SEMA6A: variants seen among roughly 807,000 people sequenced by gnomAD.
The protein encoded by SEMA6A is semaphorin 6A, also known as semaphorin-6A.
In SEMA6A, 25 loss-of-function variants were observed where a neutral mutation model predicts 96.8. That is an observed-to-expected ratio of 0.26 (90% CI 0.19 to 0.36). The LOEUF (loss-of-function observed/expected upper bound fraction) is 0.36. Among genes scored for constraint, SEMA6A ranks in the 10% least tolerant of loss-of-function variants. The pLI is 1.00. For synonymous variants in SEMA6A, 612 were observed against 518.0 expected (o/e 1.18, Z -2.46); for missense variants, 1,363 against 1,323.1 (o/e 1.03, Z -0.47).
At chr5:116,472,997 C>G in intron 17 of SEMA6A, 76 bp downstream of exon 17, 1 of 1,532,662 alleles carries the variant, frequency 6.5e-7, no homozygotes, top group South Asian at 1.2e-5. Flanking sequence ...TGAACATACT[C>G]AAGAGGATTA....
chr5:116,539,634 A>G (rs1199609468), intron 1 of SEMA6A, among the ~76,000 whole-genome samples: 1 of 148,420 alleles, frequency 6.7e-6, no homozygotes, highest in African/African-American at 2.5e-5. Context: ...CTTTAATTTT[A>G]CTCCTGTAAT....
At chr5:116,448,348 AAAAG>A (rs1393439062) in intron 18 of SEMA6A, among the ~76,000 whole-genome samples, 13 of 151,972 alleles carry the variant, frequency 8.6e-5, no homozygotes, top group East Asian at 1.9e-4. Flanking sequence ...CCGTTTCAAA[AAAAG>A]AAAGAAAGAA....
At chr5:116,500,066 T>C (rs947890560) in intron 3 of SEMA6A, among the ~76,000 whole-genome samples, 6 of 152,214 alleles carry the variant, frequency 3.9e-5, no homozygotes, top group African/African-American at 1.2e-4. Flanking sequence ...GAGTATGTCA[T>C]TTTCCAACCC....
chr5:116,465,701 G>T (rs909406706), intron 18 of SEMA6A, among the ~76,000 whole-genome samples: 1 of 152,084 alleles, frequency 6.6e-6, no homozygotes, highest in African/African-American at 2.4e-5. Flanking sequence ...TTCCTTGGGG[G>T]GAGTTAACGA....
At chr5:116,538,078 G>C (rs1403900010) in intron 1 of SEMA6A, among the ~76,000 whole-genome samples, 2 of 152,206 alleles carry the variant, frequency 1.3e-5, no homozygotes, top group Non-Finnish European at 2.9e-5. Context: ...GGGAGGCTGA[G>C]GCAGGGGAAT....
intron 1 of SEMA6A, among the ~76,000 whole-genome samples, chr5:116,543,715 C>T (rs1434617477): frequency 6.6e-6 from 1 of 152,170 alleles, no homozygotes; most frequent in East Asian, 1.9e-4. Flanking sequence ...CTTCCACATG[C>T]TGACACAAGT....
chr5:116,447,418 G>C lies in SEMA6A; in HGVS notation c.2288C>G (p.Thr763Arg). ...GCTGGGCTTCCGCTTCTGCTGCAGC[G>C]TTGGGGTTGACTCTGGGGTGGGGAG... ...TALPTPESTP[T>R]LQQKRKPSRG... The change falls in exon 19 of 19, where the codon ACG (threonine) becomes AGG (arginine). Residue 763 changes from threonine to arginine, a missense_variant. By Grantham distance (71) the Thr-to-Arg change is moderately conservative. This residue lies in a region of SEMA6A where 883 missense variants were observed against 763.6 expected (regional missense o/e 1.16). Transcript: ENST00000343348. 1.9e-6 allele frequency: 3 copies of C among 1,614,070 alleles called. No individual in the cohort carries two copies. Among genetic ancestry groups the C allele is most frequent in the Non-Finnish European group, 2.5e-6 (3 of 1,179,908 alleles).
chr5:116,445,990 A>T lies in SEMA6A; in HGVS notation c.*623T>A, dbSNP rs1189021509. The T allele has an allele frequency of 6.5e-6, 1 of 152,692 alleles. No individual in the cohort carries two copies. Among genetic ancestry groups the T allele is most frequent in the Non-Finnish European group, 1.5e-5 (1 of 68,044 alleles). 9.5% of individuals were successfully genotyped at this position (152,692 alleles called of 1,614,324 possible). On this transcript the variant is annotated 3_prime_UTR_variant, in exon 19 of 19. Coordinates refer to ENST00000343348, the MANE Select transcript of SEMA6A (RefSeq NM_020796.5). The stretch of plus-strand genomic sequence containing the variant: ...CAGAAATCTATGACATAGTTGCCCA[A>T]CATGGCATTTATCTGCTGCAACAGA...
intron 1 of SEMA6A, chr5:116,550,601 T>C (rs1470200368): frequency 6.6e-6 from 1 of 152,212 alleles, no homozygotes; most frequent in Non-Finnish European, 1.5e-5. Flanking sequence ...CCAGTGGACA[T>C]CTCTGCACCC....
intron 6 of SEMA6A, among the ~76,000 whole-genome samples, chr5:116,492,928 C>A (rs1214964502): frequency 6.6e-6 from 1 of 152,112 alleles, no homozygotes; most frequent in Non-Finnish European, 1.5e-5. Flanking sequence ...ACATTATGTC[C>A]CATATCATCA....
At chr5:116,523,201 CCTT>C (rs1458375355) in intron 1 of SEMA6A, among the ~76,000 whole-genome samples, 4 of 152,212 alleles carry the variant, frequency 2.6e-5, no homozygotes, top group East Asian at 1.9e-4. Context: ...TTTTGGTTCT[CCTT>C]CTCCTCAGAG....
chr5:116,466,150 C>T (rs867797936), intron 18 of SEMA6A, among the ~76,000 whole-genome samples: 1 of 150,450 alleles, frequency 6.6e-6, no homozygotes, highest in Non-Finnish European at 1.5e-5. Flanking sequence ...GCGGGTGGAT[C>T]ACCTGAGGTC....
chr5:116,459,796 T>G (rs1456119278), intron 18 of SEMA6A, among the ~76,000 whole-genome samples: 1 of 152,156 alleles, frequency 6.6e-6, no homozygotes, highest in Non-Finnish European at 1.5e-5. Flanking sequence ...TTAGATCACC[T>G]TTGGGTATCC....
intron 5 of SEMA6A, 86 bp downstream of exon 5, chr5:116,496,165 C>T: frequency 9.0e-7 from 1 of 1,112,528 alleles, no homozygotes; most frequent in Non-Finnish European, 1.3e-6. Flanking sequence ...AAGCACAATC[C>T]ATTCTACATC....
chr5:116,461,706 A>C (rs550871683), intron 18 of SEMA6A, among the ~76,000 whole-genome samples: 1 of 152,240 alleles, frequency 6.6e-6, no homozygotes, highest in East Asian at 1.9e-4. Flanking sequence ...TACTTGTCTA[A>C]TATATTTTTT....
rs1754296979 is a variant in SEMA6A at position 116,447,393 on chromosome 5, G to A, written c.2313C>T (p.Ser771=). Residue 771 remains serine (S), a synonymous_variant, in exon 19 of 19, where the codon AGC becomes AGT. Transcript: ENST00000343348. ...TPTLQQKRKP[S]RGSREWERNQ... is the part of the protein sequence containing the mutation. Reference sequence around the variant, plus strand: ...TCCTCTCCCACTCGCGGCTGCCGCGGCTGGGCTTCCGCTTCTGCTGCAGCG... The same window carrying A: ...TCCTCTCCCACTCGCGGCTGCCGCGACTGGGCTTCCGCTTCTGCTGCAGCG... 6.2e-7 allele frequency: 1 copy of A among 1,613,920 alleles called. No homozygotes were observed. The highest frequency in any genetic ancestry group is 8.5e-7 in the Non-Finnish European group (1 of 1,179,912).
intron 18 of SEMA6A, among the ~76,000 whole-genome samples, chr5:116,450,327 C>T (rs1335391124): frequency 6.6e-6 from 1 of 152,068 alleles, no homozygotes; most frequent in African/African-American, 2.4e-5. Flanking sequence ...TTTAGGGGGA[C>T]TGGATATTCC....
At chr5:116,544,555 T>C (rs1760107602) in intron 1 of SEMA6A, among the ~76,000 whole-genome samples, 1 of 152,076 alleles carries the variant, frequency 6.6e-6, no homozygotes, top group Non-Finnish European at 1.5e-5. Context: ...CGTCTCAGCT[T>C]ACCAAAGTGC....
intron 1 of SEMA6A, among the ~76,000 whole-genome samples, chr5:116,514,169 C>T (rs1372164367): frequency 6.6e-6 from 1 of 152,096 alleles, no homozygotes; most frequent in Non-Finnish European, 1.5e-5. Flanking sequence ...ATTGCTGGGT[C>T]GAATGGTATT....
Sources: allele counts gnomAD v4.1 joint callset (sites outside exome capture counted in the v4.1 genomes callset), GRCh38; gene constraint gnomAD v4.1.1; regional missense constraint gnomAD v4.1.1; transcripts MANE v1.5; gene names NCBI Gene and HGNC (gene_info 2026-07-23, HGNC 2026-07-21).